Variants in DNAJC11 observed in about 807,000 individuals in gnomAD.
DNAJC11 encodes the protein dnaJ homolog subfamily C member 11.
Under a neutral mutation model 78.6 loss-of-function variants are expected in DNAJC11, and 15 were observed. The ratio of observed to expected loss-of-function variants is 0.19; its 90% CI spans 0.13 to 0.29. DNAJC11 has a LOEUF of 0.29. Among genes scored for constraint, DNAJC11 ranks in the 10% least tolerant of loss-of-function variants. The pLI is 1.00. For missense variants in DNAJC11, 547 were observed against 709.6 expected, an observed-to-expected ratio of 0.77 and a Z score of 2.60; for synonymous variants, 292 against 272.1, an observed-to-expected ratio of 1.07 and a Z score of -0.72.
intron 1 of DNAJC11, among the ~76,000 whole-genome samples, chr1:6,693,017 T>C (rs917469300): frequency 6.6e-6 from 1 of 152,164 alleles, no homozygotes; most frequent in Non-Finnish European, 1.5e-5. Context: ...GCAATTCTCC[T>C]GTCTCAACCT....
chr1:6,642,488 G>A (rs985867781), intron 10 of DNAJC11, among the ~76,000 whole-genome samples: 1 of 152,140 alleles, frequency 6.6e-6, no homozygotes, highest in African/African-American at 2.4e-5. Context: ...AAGAGATCGA[G>A]GCTGACTCCA....
intron 10 of DNAJC11, among the ~76,000 whole-genome samples, chr1:6,643,277 ATTTT>A (rs60341247): frequency 2.2e-5 from 3 of 138,220 alleles, no homozygotes; most frequent in South Asian, 2.3e-4. Context: ...GAAAACAGAC[ATTTT>A]TTTTTTTTTT....
chr1:6,653,156 T>A lies in DNAJC11; in HGVS notation c.508-205A>T, dbSNP rs984709571. 6.6e-6 allele frequency among the ~76,000 whole-genome samples: 1 copy of A among 152,220 alleles called. No homozygotes were observed. Among genetic ancestry groups the A allele is most frequent in the East Asian group, 1.9e-4 (1 of 5,202 alleles). ...TCTGCATGTGACCACGAGGGTAATA[T>A]GCTTTGCAAAAGCTTTAATGGGCAC... On this transcript the variant is annotated intron_variant, in intron 5 of 15. Transcript: ENST00000377577. The surrounding 1 kb of genome is among the most constrained non-coding windows in gnomAD (Gnocchi z 4.5).
chr1:6,662,121 G>GT (rs1185007632), intron 4 of DNAJC11, among the ~76,000 whole-genome samples: 776 of 48,038 alleles, frequency 0.016, 6 homozygotes, highest in African/African-American at 0.03. Flanking sequence ...CCAGTTAATT[G>GT]TTTTTTGTTT....
At chr1:6,670,089 GACAACA>G (rs1642354991) in intron 3 of DNAJC11, among the ~76,000 whole-genome samples, 1 of 152,066 alleles carries the variant, frequency 6.6e-6, no homozygotes, top group Non-Finnish European at 1.5e-5. Flanking sequence ...AAGTAGCTGG[GACAACA>G]GGTGTGCGGC....
Position 6,701,749 on chromosome 1 carries a change from A to T in DNAJC11, c.52T>A (p.Leu18Met). 1 of 1,565,352 alleles carries T rather than the reference A, an allele frequency of 6.4e-7. No homozygotes were observed. Among genetic ancestry groups the T allele is most frequent in the Non-Finnish European group, 8.6e-7 (1 of 1,158,224 alleles). ...CTCACCTCCCTGCGCACGTTCAGCA[A>T]CGAGTAATAGTCTTCATTGTCCAGC... The part of the protein sequence containing the change: ...EELDNEDYYS[L>M]LNVRREASSE... Residue 18 changes from leucine (L) to methionine (M), a missense_variant, in exon 1 of 16, where the codon TTG (leucine) becomes ATG (methionine). By Grantham distance (15) the Leu-to-Met change is conservative. Coordinates refer to ENST00000377577, the MANE Select transcript of DNAJC11 (RefSeq NM_018198.4).
At chr1:6,644,928 G>T in intron 9 of DNAJC11, 113 bp downstream of exon 9, 1 of 1,054,020 alleles carries the variant, frequency 9.5e-7, no homozygotes, top group Non-Finnish European at 1.5e-6. Flanking sequence ...CTCCAAAAAT[G>T]TCACACACAC....
intron 1 of DNAJC11, among the ~76,000 whole-genome samples, chr1:6,692,738 G>C (rs1394604612): frequency 6.7e-6 from 1 of 150,210 alleles, no homozygotes; most frequent in East Asian, 2.0e-4. Flanking sequence ...AGCCTCCCAT[G>C]TAGCTGAGAT....
At chr1:6,683,807 A>C (rs1642591670) in intron 1 of DNAJC11, among the ~76,000 whole-genome samples, 1 of 152,168 alleles carries the variant, frequency 6.6e-6, no homozygotes, top group African/African-American at 2.4e-5. Flanking sequence ...TTCTGCATGT[A>C]TATTCTATTT....
intron 1 of DNAJC11, among the ~76,000 whole-genome samples, chr1:6,683,462 G>A (rs1642586623): frequency 6.6e-6 from 1 of 152,188 alleles, no homozygotes; most frequent in Admixed American, 6.5e-5. Context: ...CCAACACACA[G>A]CAAAAACTTA....
intron 10 of DNAJC11, among the ~76,000 whole-genome samples, chr1:6,642,388 G>A (rs1641891650): frequency 6.6e-6 from 1 of 152,218 alleles, no homozygotes; most frequent in African/African-American, 2.4e-5. Flanking sequence ...CCGCAGTGAG[G>A]TTGAGAAATG....
intron 7 of DNAJC11, among the ~76,000 whole-genome samples, chr1:6,648,105 C>T (rs1037943991): frequency 5.9e-5 from 9 of 152,148 alleles, no homozygotes; most frequent in East Asian, 1.9e-4. Flanking sequence ...TCACCTGGGG[C>T]GCTTGAAACA....
Position 6,656,096 on chromosome 1 carries a change from C to T in DNAJC11, c.379-2057G>A, listed in dbSNP as rs1483164781. On this transcript the variant is annotated intron_variant, in intron 4 of 15. Transcript: ENST00000377577. ...CAGCCTGGGCAACAGAACAAGACTC[C>T]GTCTAAAAAAAAAAAAAAAAAAAAA... Among the ~76,000 whole-genome samples, 11 of 86,494 alleles carry T rather than the reference C, an allele frequency of 1.3e-4. No homozygotes were observed. The East Asian group carries it at 1.4e-3, about 11-fold the overall frequency. The allele number at this position is 86,494 out of a possible 152,430, so 56.7% of individuals were successfully genotyped here. A position where few individuals can be genotyped will look rare whatever the true frequency, so the allele number is the denominator to read the frequency against.
chr1:6,677,114 C>T (rs141344796), intron 3 of DNAJC11, among the ~76,000 whole-genome samples: 134 of 144,726 alleles, frequency 9.3e-4, no homozygotes, highest in African/African-American at 3.1e-3. Flanking sequence ...GCCAAGATTG[C>T]GCCACTGCAC....
chr1:6,668,160 C>T (rs572498263), intron 3 of DNAJC11: 9 of 211,074 alleles, frequency 4.3e-5, no homozygotes, highest in East Asian at 1.1e-4. Flanking sequence ...TTTTTTGAGA[C>T]GGAGTCTCGC....
At chr1:6,676,759 G>C (rs143451959) in intron 3 of DNAJC11, among the ~76,000 whole-genome samples, 1 of 152,266 alleles carries the variant, frequency 6.6e-6, no homozygotes, top group African/African-American at 2.4e-5. Context: ...AGCAGTAGTG[G>C]AAAGGCAGGA....
chr1:6,695,683 C>T (rs537871598), intron 1 of DNAJC11, among the ~76,000 whole-genome samples: 15 of 142,194 alleles, frequency 1.1e-4, no homozygotes, highest in African/African-American at 3.9e-4. Flanking sequence ...TGGTGTGTGC[C>T]TGTAATCCCA....
At chr1:6,664,897 A>C (rs1228155966) in intron 4 of DNAJC11, among the ~76,000 whole-genome samples, 1 of 152,086 alleles carries the variant, frequency 6.6e-6, no homozygotes, top group African/African-American at 2.4e-5. Context: ...TAGATACATC[A>C]ATCTACTGGA....
At chr1:6,652,786 G>C in intron 6 of DNAJC11, 43 bp downstream of exon 6, 1 of 1,612,870 alleles carries the variant, frequency 6.2e-7, no homozygotes, top group Non-Finnish European at 8.5e-7. Context: ...TCAGAAATAA[G>C]GCTTTGCACA....
Sources: allele counts gnomAD v4.1 joint callset (sites outside exome capture counted in the v4.1 genomes callset), GRCh38; gene constraint gnomAD v4.1.1; non-coding constraint Gnocchi (gnomAD v3.1); transcripts MANE v1.5; gene names NCBI Gene and HGNC (gene_info 2026-07-23, HGNC 2026-07-21).